GRM4: variants seen among roughly 807,000 people sequenced by gnomAD.
The protein encoded by GRM4 is metabotropic glutamate receptor 4.
GRM4 carries 28 observed loss-of-function variants against 81.7 expected under a neutral mutation model. The ratio of observed to expected loss-of-function variants is 0.34; its 90% CI spans 0.25 to 0.47. The LOEUF (loss-of-function observed/expected upper bound fraction) is 0.47, where lower values mean the gene tolerates loss of function less well. GRM4 is among the 20% of genes least tolerant of loss of function. The probability of loss-of-function intolerance (pLI) is 1.00; values close to 1 mark genes in which losing one functional copy is unlikely to be tolerated. For missense variants in GRM4, 948 were observed against 1,290.0 expected (o/e 0.73, Z 4.06); for synonymous variants, 488 against 528.8 (o/e 0.92, Z 1.06).
Position 34,047,553 on chromosome 6 carries a change from G to A in GRM4, c.1169-6805C>T, listed in dbSNP as rs1052157907. ...TTCAGCCCTATACCGCAGTTTTGCCGGCCCCCTCCTCTCGAATTTTCATCC... is the reference window on the plus strand; with the variant it reads ...TTCAGCCCTATACCGCAGTTTTGCCAGCCCCCTCCTCTCGAATTTTCATCC... On this transcript the variant is annotated intron_variant, in intron 6 of 10. Transcript: ENST00000538487. The surrounding 1 kb of genome is among the most constrained non-coding windows in gnomAD (Gnocchi z 4.5). 5.3e-5 allele frequency among the ~76,000 whole-genome samples: 8 copies of A among 151,994 alleles called. No homozygotes were observed. Among genetic ancestry groups the A allele is most frequent in the Non-Finnish European group, 1.0e-4 (7 of 67,996 alleles).
At chr6:34,023,003 A>C (rs1457278065) in intron 10 of GRM4, 133 bp from the exon 11 acceptor site, 1 of 739,952 alleles carries the variant, frequency 1.4e-6, no homozygotes, top group Non-Finnish European at 2.4e-6. Context: ...TCCTGAGCTG[A>C]GCAATCGACA....
intron 1 of GRM4, among the ~76,000 whole-genome samples, chr6:34,140,679 C>G (rs567041530): frequency 3.9e-5 from 6 of 152,324 alleles, no homozygotes; most frequent in Admixed American, 2.6e-4. Flanking sequence ...ACCATGCAGA[C>G]CCCCAGGCCT....
intron 2 of GRM4, among the ~76,000 whole-genome samples, chr6:34,118,666 C>T (rs368306481): frequency 1.2e-4 from 19 of 152,334 alleles, no homozygotes; most frequent in African/African-American, 4.3e-4. Flanking sequence ...TGTCCCATTG[C>T]AGTTTCTAAG....
intron 2 of GRM4, among the ~76,000 whole-genome samples, chr6:34,131,095 C>T (rs1003184747): frequency 6.6e-6 from 1 of 152,198 alleles, no homozygotes; most frequent in Admixed American, 6.5e-5. Flanking sequence ...GACAGCCCAG[C>T]CAGCTCCTCC....
At chr6:34,067,264 G>A (rs1766514862) in intron 3 of GRM4, among the ~76,000 whole-genome samples, 1 of 152,138 alleles carries the variant, frequency 6.6e-6, no homozygotes. Flanking sequence ...TCCAGGCCCA[G>A]CTGACATAAC....
At chr6:34,040,373 A>G in intron 7 of GRM4, 59 bp from the exon 8 acceptor site, 2 of 1,578,556 alleles carry the variant, frequency 1.3e-6, no homozygotes, top group Non-Finnish European at 1.7e-6. Context: ...GCGGATGATG[A>G]GCCTGGGGCA....
chr6:34,040,044 G>C, intron 8 of GRM4, 134 bp downstream of exon 8: 1 of 843,674 alleles, frequency 1.2e-6, no homozygotes, highest in Non-Finnish European at 1.9e-6. Context: ...GAGGGCACTG[G>C]GAAGGAAGCC....
At chr6:34,031,655 G>A (rs1399528609) in intron 9 of GRM4, among the ~76,000 whole-genome samples, 1 of 152,182 alleles carries the variant, frequency 6.6e-6, no homozygotes, top group African/African-American at 2.4e-5. Flanking sequence ...TGACTGAGCA[G>A]TAACCCCACG....
intron 1 of GRM4, among the ~76,000 whole-genome samples, chr6:34,153,116 T>C (rs1452899476): frequency 6.6e-6 from 1 of 152,038 alleles, no homozygotes; most frequent in Admixed American, 6.6e-5. Context: ...CTGAGACATA[T>C]GGACTCCACC....
chr6:34,119,239 T>C (rs954155732), intron 2 of GRM4, among the ~76,000 whole-genome samples: 5 of 152,014 alleles, frequency 3.3e-5, no homozygotes, highest in African/African-American at 1.2e-4. Context: ...CTACTAAAAA[T>C]ACAAAAATTA....
At chr6:34,056,387 G>C in intron 6 of GRM4, 157 bp downstream of exon 6, 9 of 622,318 alleles carry the variant, frequency 1.4e-5, no homozygotes, top group East Asian at 2.9e-5. Flanking sequence ...CCCCGCCCCA[G>C]GCCTCCCAAC....
chr6:34,071,648 C>T (rs1333097262), intron 3 of GRM4, among the ~76,000 whole-genome samples: 1 of 10,544 alleles, frequency 9.5e-5, no homozygotes, highest in African/African-American at 3.7e-4. Flanking sequence ...CCACACACAC[C>T]CATTCATCAG....
chr6:34,058,339 G>A (rs570996459), intron 5 of GRM4, among the ~76,000 whole-genome samples: 68 of 152,242 alleles, frequency 4.5e-4, no homozygotes, highest in Non-Finnish European at 9.3e-4. Flanking sequence ...TCAGGCCTCC[G>A]TGTCTTGGGA....
In GRM4 at chr6:34,111,819, T is replaced by G. The variant is rs1405840648; in HGVS notation, c.520-19720A>C. 6.6e-6 allele frequency among the ~76,000 whole-genome samples: 1 copy of G among 152,108 alleles called. No individual in the cohort carries two copies. The highest frequency in any genetic ancestry group is 1.5e-5 in the Non-Finnish European group (1 of 68,008). On this transcript the variant is annotated intron_variant, in intron 2 of 10. Transcript: ENST00000538487. This position sits in a 1 kb window ranked among gnomAD's most constrained non-coding sequence, Gnocchi z 5.1. ...CACCATGGGCTGATGTTGGCAGCAT[T>G]GCCCCTCTCCTCAGTCACCAGCCTG...
In GRM4 at chr6:34,036,389, C is replaced by T. The variant is rs1764712456; in HGVS notation, c.1721G>A (p.Arg574Gln). 6.8e-6 allele frequency: 11 copies of T among 1,611,908 alleles called. No homozygotes were observed. Among genetic ancestry groups the T allele is most frequent in the South Asian group, 1.1e-5 (1 of 91,018 alleles). ...CTCAAGCTTGATGATGGGGATGGGCCGGCAGCCCGTGCGGTTCTCTGTGGG... is the reference window on the plus strand; with the variant it reads ...CTCAAGCTTGATGATGGGGATGGGCTGGCAGCCCGTGCGGTTCTCTGTGGG... ...MRPTENRTGC[R>Q]PIPIIKLEWG... is the part of the protein sequence containing the mutation. Residue 574 changes from arginine to glutamine, a missense_variant, in exon 9 of 11, where the codon CGG becomes CAG. Coordinates refer to ENST00000538487, the MANE Select transcript of GRM4 (RefSeq NM_000841.4). This position sits in a 1 kb window ranked among gnomAD's most constrained non-coding sequence, Gnocchi z 9.0.
chr6:34,072,461 C>T, intron 3 of GRM4, among the ~76,000 whole-genome samples: 1 of 148,202 alleles, frequency 6.7e-6, no homozygotes, highest in Admixed American at 6.7e-5. Context: ...CACACACATA[C>T]CACCATACAG....
At chr6:34,082,306 A>G (rs1056836474) in intron 3 of GRM4, among the ~76,000 whole-genome samples, 3 of 152,276 alleles carry the variant, frequency 2.0e-5, no homozygotes, top group African/African-American at 7.2e-5. Context: ...CAGAGGCCAG[A>G]GAAGTTAGGG....
At position 34,022,613 on chromosome 6, in the gene GRM4, G is replaced by A. The variant is rs1402346949; in HGVS notation, c.*208C>T. 6.7e-6 allele frequency: 4 copies of A among 593,850 alleles called. No individual in the cohort carries two copies. Among genetic ancestry groups the A allele is most frequent in the African/African-American group, 3.7e-5 (2 of 53,762 alleles). The allele number at this position is 593,850 out of a possible 1,614,324, so 36.8% of individuals were successfully genotyped here. A position where few individuals can be genotyped will look rare whatever the true frequency, so the allele number is the denominator to read the frequency against. On this transcript the variant is annotated 3_prime_UTR_variant, in exon 11 of 11. Coordinates refer to ENST00000538487, the MANE Select transcript of GRM4 (RefSeq NM_000841.4). This position sits in a 1 kb window ranked among gnomAD's most constrained non-coding sequence, Gnocchi z 5.6. ...CAGGTTCTTGTGGTAGCCTGGCACC[G>A]CCCCGGCCCCTCGTCCTCCTGTTGC...
intron 3 of GRM4, chr6:34,062,421 A>T (rs570642210): frequency 5.7e-6 from 1 of 176,218 alleles, no homozygotes; most frequent in African/African-American, 2.4e-5. Context: ...TATAAAGTGG[A>T]AATAATGGTA....
Sources: gnomAD v4.1 joint callset for allele counts (sites outside exome capture counted in the v4.1 genomes callset) on GRCh38, gnomAD v4.1.1 for gene constraint, Gnocchi (gnomAD v3.1) non-coding constraint, MANE v1.5 for transcripts, NCBI Gene and HGNC (gene_info 2026-07-23, HGNC 2026-07-21) for gene names.